Variants in TMEM74 observed in about 807,000 individuals in gnomAD.
TMEM74 encodes transmembrane protein 74.
In TMEM74, 13 loss-of-function variants were observed where a neutral mutation model predicts 18.1. That is an observed-to-expected ratio of 0.72 (90% confidence interval 0.47 to 1.14). The LOEUF is 1.14. TMEM74 is among the 50% of genes most tolerant of loss of function. TMEM74 has a pLI of 0.00. For missense variants in TMEM74, 372 were observed against 375.9 expected (o/e 0.99, Z 0.09); for synonymous variants, 159 against 146.6 (o/e 1.08, Z -0.61).
chr8:108,756,662 A>AAG lies in TMEM74; in HGVS notation n.119+30812_119+30813dup, dbSNP rs1357542801. ...AGGAAGAAAGAAAGAGAAAGAAAGAAAGAAAGAAAGAAAGAAAGAAAGAAA... is the reference window on the plus strand; with the variant it reads ...AGGAAGAAAGAAAGAGAAAGAAAGAAAGAGAAAGAAAGAAAGAAAGAAAGAAA... On this transcript the variant is annotated intron_variant and non_coding_transcript_variant, in intron 1 of 3. Coordinates refer to the TMEM74 transcript ENST00000518838. Among the ~76,000 whole-genome samples the AAG allele has an allele frequency of 2.2e-3, 184 of 84,174 alleles. 4 individuals carry two copies. The highest frequency in any genetic ancestry group is 4.8e-3 in the African/African-American group (83 of 17,348). The allele number at this position is 84,174 out of a possible 152,430, so 55.2% of individuals were successfully genotyped here.
chr8:108,674,379 A>C (rs149290730), intron 1 of TMEM74, among the ~76,000 whole-genome samples: 1 of 152,294 alleles, frequency 6.6e-6, no homozygotes, highest in African/African-American at 2.4e-5. Context: ...ACTGGAAACA[A>C]ATATCCTTGG....
intron 1 of TMEM74, among the ~76,000 whole-genome samples, chr8:108,741,023 C>T (rs1813794941): frequency 6.6e-6 from 1 of 152,130 alleles, no homozygotes; most frequent in African/African-American, 2.4e-5. Flanking sequence ...CAATGAATTA[C>T]AGCTATGTGA....
At chr8:108,702,296 G>C (rs1813343868) in intron 1 of TMEM74, among the ~76,000 whole-genome samples, 1 of 142,162 alleles carries the variant, frequency 7.0e-6, no homozygotes, top group Non-Finnish European at 1.5e-5. Flanking sequence ...AGTGAGCCGA[G>C]ATTGAGCCAC....
At chr8:108,656,299 G>A (rs906254531) in intron 1 of TMEM74, among the ~76,000 whole-genome samples, 7 of 152,142 alleles carry the variant, frequency 4.6e-5, no homozygotes, top group African/African-American at 1.7e-4. Flanking sequence ...CAGTGAGTGG[G>A]TGAATAAGTT....
At chr8:108,741,969 A>T (rs1329276507) in intron 1 of TMEM74, among the ~76,000 whole-genome samples, 7 of 152,228 alleles carry the variant, frequency 4.6e-5, no homozygotes, top group Non-Finnish European at 1.0e-4. Flanking sequence ...TGCAGCCATA[A>T]AAACGAATGA....
rs373138838 is a variant in TMEM74 at position 108,678,619 on chromosome 8, C to T, written n.120-23182G>A. 1.0e-3 allele frequency among the ~76,000 whole-genome samples: 158 copies of T among 151,536 alleles called. 1 individual carries two copies. The highest frequency in any genetic ancestry group is 4.6e-3 in the South Asian group (22 of 4,804). ...AAATCCTGGCCTCAAGTGATCCTCC[C>T]GCTTTGCTCCCACTGCCATTATTAT... is the stretch of plus-strand genomic sequence containing the variant. On this transcript the variant is annotated intron_variant and non_coding_transcript_variant, in intron 1 of 3. Transcript: ENST00000518838.
chr8:108,684,950 T>C (rs1563525378), intron 1 of TMEM74, among the ~76,000 whole-genome samples: 1 of 151,690 alleles, frequency 6.6e-6, no homozygotes, highest in Non-Finnish European at 1.5e-5. Context: ...ATTTTAGGAG[T>C]TTTTTCTATG....
At chr8:108,607,658 T>C (rs1312394622) in exon 4 of TMEM74, 3 of 152,222 alleles carry the variant, frequency 2.0e-5, no homozygotes, top group African/African-American at 7.2e-5. Context: ...GCCTTGAATT[T>C]AGTTTAAAGT....
intron 1 of TMEM74, among the ~76,000 whole-genome samples, chr8:108,697,786 G>GT (rs1200923850): frequency 5.3e-5 from 8 of 152,104 alleles, no homozygotes; most frequent in Admixed American, 3.3e-4. Flanking sequence ...TTGTTTGTTT[G>GT]TTTTTTTCTT....
chr8:108,624,718 G>T (rs1232722267), intron 2 of TMEM74, among the ~76,000 whole-genome samples: 1 of 151,956 alleles, frequency 6.6e-6, no homozygotes, highest in African/African-American at 2.4e-5. Context: ...GGATTGGTCA[G>T]CCATATCTAC....
intron 1 of TMEM74, among the ~76,000 whole-genome samples, chr8:108,676,763 C>T (rs1480636563): frequency 2.0e-5 from 3 of 152,166 alleles, no homozygotes; most frequent in African/African-American, 7.2e-5. Context: ...ACGAAAATCT[C>T]ACCTGCAACA....
At chr8:108,651,074 C>T (rs1273531430) in intron 2 of TMEM74, among the ~76,000 whole-genome samples, 2 of 152,076 alleles carry the variant, frequency 1.3e-5, no homozygotes, top group Non-Finnish European at 2.9e-5. Flanking sequence ...CTGTATCTCC[C>T]TTTTATGTCT....
At chr8:108,774,294 A>G (rs1181936600), downstream of TMEM74, among the ~76,000 whole-genome samples, 1 of 152,174 alleles carries the variant, frequency 6.6e-6, no homozygotes, top group Non-Finnish European at 1.5e-5. Context: ...CCAAATGCTA[A>G]CCAACTGGAC....
intron 1 of TMEM74, among the ~76,000 whole-genome samples, chr8:108,760,139 CT>C (rs1397552605): frequency 2.0e-5 from 3 of 147,948 alleles, no homozygotes; most frequent in Admixed American, 2.0e-4. Flanking sequence ...CGCCACTGTT[CT>C]GCAGACTGGG....
chr8:108,718,563 G>T (rs1454486519), intron 1 of TMEM74, among the ~76,000 whole-genome samples: 1 of 152,106 alleles, frequency 6.6e-6, no homozygotes, highest in Non-Finnish European at 1.5e-5. Context: ...GATAACACCT[G>T]CTAGAAACAG....
rs1199122765 is a variant in TMEM74 at position 108,730,634 on chromosome 8, C to CTTTTTTT, written n.119+56835_119+56841dup. ...TTAGCTTTAAATGTATGCAGACTTC[C>CTTTTTTT]TTTTTTTTTTTTTTTTTGTGACGGA... is the stretch of plus-strand genomic sequence containing the variant. On this transcript the variant is annotated intron_variant and non_coding_transcript_variant, in intron 1 of 3. Coordinates refer to the TMEM74 transcript ENST00000518838. Among the ~76,000 whole-genome samples, 19 of 132,182 alleles carry CTTTTTTT rather than the reference C, an allele frequency of 1.4e-4. 1 individual carries two copies. The highest frequency in any genetic ancestry group is 4.9e-4 in the African/African-American group (16 of 32,674). The allele number at this position is 132,182 out of a possible 152,430, so 86.7% of individuals were successfully genotyped here.
chr8:108,752,710 CT>C (rs1457863689), intron 1 of TMEM74, among the ~76,000 whole-genome samples: 3 of 152,078 alleles, frequency 2.0e-5, no homozygotes, highest in Non-Finnish European at 4.4e-5. Flanking sequence ...TGCCAACAAC[CT>C]CATATTCTTC....
At chr8:108,614,056 G>C (rs1463531602) in intron 2 of TMEM74, among the ~76,000 whole-genome samples, 1 of 148,272 alleles carries the variant, frequency 6.7e-6, no homozygotes, top group African/African-American at 2.5e-5. Flanking sequence ...TTTTTGTATG[G>C]GGTATTTTTT....
chr8:108,649,208 C>T (rs1301109297), intron 2 of TMEM74, among the ~76,000 whole-genome samples: 1 of 152,094 alleles, frequency 6.6e-6, no homozygotes, highest in Non-Finnish European at 1.5e-5. Flanking sequence ...TTGCTTAAGT[C>T]TCTAAATTTC....
Sources: gnomAD v4.1 joint callset for allele counts (sites outside exome capture counted in the v4.1 genomes callset) on GRCh38, gnomAD v4.1.1 for gene constraint, MANE v1.5 for transcripts, NCBI Gene and HGNC (gene_info 2026-07-23, HGNC 2026-07-21) for gene names.